RADIL: variants seen among roughly 807,000 people sequenced by gnomAD.
RADIL encodes ras-associating and dilute domain-containing protein.
In RADIL, 99 loss-of-function variants were observed where a neutral mutation model predicts 97.6. That is an observed-to-expected ratio of 1.01 (90% CI 0.86 to 1.20). The LOEUF (loss-of-function observed/expected upper bound fraction) is 1.20, where lower values mean the gene tolerates loss of function less well. Ranked by LOEUF, RADIL falls within the 50% of genes most tolerant of loss-of-function variation. The pLI, the probability that RADIL is intolerant of heterozygous loss-of-function variation, is 0.00. For synonymous variants in RADIL, 803 were observed against 691.8 expected (o/e 1.16, Z -2.52); for missense variants, 1,765 against 1,498.9 (o/e 1.18, Z -2.93).
At position 4,814,401 on chromosome 7, in the gene RADIL, C is replaced by T. The variant is rs1275021873; in HGVS notation, c.2139+877G>A. Among the ~76,000 whole-genome samples, 1 of 152,186 alleles carries T rather than the reference C, an allele frequency of 6.6e-6. No homozygotes were observed. The highest frequency in any genetic ancestry group is 1.5e-5 in the Non-Finnish European group (1 of 68,044). ...TGGCATGATCTCGGCTCACTGCAACCTCTGCCTCGCGGGTTCAAGCGATTC... is the reference window on the plus strand; with the variant it reads ...TGGCATGATCTCGGCTCACTGCAACTTCTGCCTCGCGGGTTCAAGCGATTC... On this transcript the variant is annotated intron_variant, in intron 9 of 14. Transcript: ENST00000399583. This position sits in a 1 kb window ranked among gnomAD's most constrained non-coding sequence, Gnocchi z 4.5.
chr7:4,801,744 G>T lies in RADIL; in HGVS notation c.2751C>A (p.Pro917=). 1 of 1,610,396 alleles carries T rather than the reference G, an allele frequency of 6.2e-7. No individual in the cohort carries two copies. The highest frequency in any genetic ancestry group is 8.5e-7 in the Non-Finnish European group (1 of 1,179,058). The part of the protein sequence containing the change: ...STPLGPEPGD[P]DWPESGGPCG... ...AGGGGCCGCCGGACTCTGGCCAGTC[G>T]GGGTCCCCAGGCTCAGGGCCAAGTG... Residue 917 remains proline, a synonymous_variant, in exon 12 of 15, where the codon CCC becomes CCA. Transcript: ENST00000399583.
chr7:4,822,357 T>A lies in RADIL; in HGVS notation c.1615+37A>T. 1 of 1,583,790 alleles carries A rather than the reference T, an allele frequency of 6.3e-7. No individual in the cohort carries two copies. Among genetic ancestry groups the A allele is most frequent in the South Asian group, 1.1e-5 (1 of 87,596 alleles). ...AGATGCCACACTCCCCTGCCTGGGG[T>A]GCTGGCGGGGGGAATGGAGGGCAGC... On this transcript the variant is annotated intron_variant, in intron 6 of 14. Coordinates refer to ENST00000399583, the MANE Select transcript of RADIL (RefSeq NM_018059.5). This position sits in a 1 kb window ranked among gnomAD's most constrained non-coding sequence, Gnocchi z 5.3.
In RADIL at chr7:4,803,626, G is replaced by C. The variant is rs1206089839; in HGVS notation, c.2419C>G (p.Leu807Val). The change falls in exon 11 of 15, where the codon CTG becomes GTG. Residue 807 changes from leucine (L) to valine (V), a missense_variant. By Grantham distance (32) the Leu-to-Val change is conservative (BLOSUM62 1). Transcript: ENST00000399583. ...CTGGCTCTGCTCCGCAGACCCCACAGAAAGTGGCGGACGTAGAGCAGGTGC... is the reference window on the plus strand; with the variant it reads ...CTGGCTCTGCTCCGCAGACCCCACACAAAGTGGCGGACGTAGAGCAGGTGC... ...YQHLLYVRHF[L>V]WGLRSRASPG... is the part of the protein sequence containing the mutation. 2 of 1,549,816 alleles carry C rather than the reference G, an allele frequency of 1.3e-6. No homozygotes were observed. Among genetic ancestry groups the C allele is most frequent in the East Asian group, 2.4e-5 (1 of 40,932 alleles).
At chr7:4,808,061 C>T (rs116269256) in intron 9 of RADIL, among the ~76,000 whole-genome samples, 1,481 of 95,706 alleles carry the variant, frequency 0.015, no homozygotes, top group African/African-American at 0.035. Context: ...TCCTTCTCTC[C>T]CTCCCTCCCT....
rs188748418 is a variant in RADIL at position 4,837,986 on chromosome 7, G to A, written c.536-1381C>T. On this transcript the variant is annotated intron_variant, in intron 2 of 14. Coordinates refer to ENST00000399583, the MANE Select transcript of RADIL (RefSeq NM_018059.5). This position sits in a 1 kb window ranked among gnomAD's most constrained non-coding sequence, Gnocchi z 5.6. ...AGCCGGATGGAGGGAGGCGTCAGCT[G>A]GCTGAGGAAGACCCTTACCAGCGCC... 2.6e-5 allele frequency: 26 copies of A among 985,418 alleles called. No individual in the cohort carries two copies. The highest frequency in any genetic ancestry group is 1.1e-4 in the East Asian group (1 of 8,796). The allele number at this position is 985,418 out of a possible 1,614,324, so 61.0% of individuals were successfully genotyped here.
chr7:4,871,938 C>G (rs183885952), intron 2 of RADIL, among the ~76,000 whole-genome samples: 2 of 152,260 alleles, frequency 1.3e-5, no homozygotes, highest in Admixed American at 1.3e-4. Flanking sequence ...TAGGGTGCCT[C>G]TTTACAAAGT....
intron 2 of RADIL, among the ~76,000 whole-genome samples, chr7:4,868,477 T>C (rs1384826201): frequency 6.6e-6 from 1 of 152,148 alleles, no homozygotes; most frequent in Non-Finnish European, 1.5e-5. Context: ...GCCGAAATCT[T>C]TGTCCAGCTT....
At chr7:4,806,338 T>C (rs1562428401) in intron 9 of RADIL, among the ~76,000 whole-genome samples, 1 of 152,046 alleles carries the variant, frequency 6.6e-6, no homozygotes, top group Non-Finnish European at 1.5e-5. Flanking sequence ...TTTTTGTTTT[T>C]TTTTGTAGAG....
intron 2 of RADIL, among the ~76,000 whole-genome samples, chr7:4,856,429 C>T (rs983889706): frequency 6.6e-6 from 1 of 152,168 alleles, no homozygotes; most frequent in African/African-American, 2.4e-5. Context: ...TTAAAACAGA[C>T]TTTTTCCTTT....
At chr7:4,841,466 A>G (rs1783437915) in intron 2 of RADIL, among the ~76,000 whole-genome samples, 1 of 152,198 alleles carries the variant, frequency 6.6e-6, no homozygotes, top group African/African-American at 2.4e-5. Flanking sequence ...AAGCGCTGGG[A>G]GAGCTTGGTG....
At chr7:4,843,617 G>C (rs927054049) in intron 2 of RADIL, among the ~76,000 whole-genome samples, 15 of 152,066 alleles carry the variant, frequency 9.9e-5, no homozygotes, top group Non-Finnish European at 2.2e-4. Flanking sequence ...TCTCATTATA[G>C]AAACCCTACA....
chr7:4,860,013 G>C, intron 2 of RADIL: 2 of 1,613,866 alleles, frequency 1.2e-6, no homozygotes, highest in Non-Finnish European at 1.7e-6. Context: ...ATGGCAGGCT[G>C]AGAGACAGCG....
intron 2 of RADIL, among the ~76,000 whole-genome samples, chr7:4,844,822 G>T (rs79087478): frequency 6.6e-6 from 1 of 152,002 alleles, no homozygotes; most frequent in African/African-American, 2.4e-5. Flanking sequence ...CAGGCTGGCC[G>T]CAAACTCCTG....
intron 2 of RADIL, chr7:4,861,865 CG>C: frequency 8.0e-7 from 1 of 1,256,662 alleles, no homozygotes; most frequent in Non-Finnish European, 1.1e-6. Flanking sequence ...CCTTCGCGGC[CG>C]CCGCCCGGGT....
chr7:4,857,785 T>A (rs780981087), intron 2 of RADIL: 1 of 152,626 alleles, frequency 6.6e-6, no homozygotes, highest in African/African-American at 2.4e-5. Flanking sequence ...AAATAAGTCA[T>A]CTGTTTTCAA....
At chr7:4,846,614 C>T (rs1783581619) in intron 2 of RADIL, among the ~76,000 whole-genome samples, 1 of 148,408 alleles carries the variant, frequency 6.7e-6, no homozygotes, top group African/African-American at 2.5e-5. Context: ...GGTGCTGTCT[C>T]AGCTCACTGC....
At chr7:4,847,602 A>G (rs751103319) in intron 2 of RADIL, among the ~76,000 whole-genome samples, 6 of 152,130 alleles carry the variant, frequency 3.9e-5, no homozygotes, top group African/African-American at 9.7e-5. Flanking sequence ...CCAAATGTCC[A>G]TCAACGGGTG....
chr7:4,810,680 A>G (rs1303685922), intron 9 of RADIL, among the ~76,000 whole-genome samples: 1 of 152,244 alleles, frequency 6.6e-6, no homozygotes, highest in Non-Finnish European at 1.5e-5. Context: ...ATCGGAGCAC[A>G]TGCACTCGGT....
chr7:4,832,741 CA>C (rs71032992), intron 4 of RADIL, among the ~76,000 whole-genome samples: 18,535 of 66,474 alleles, frequency 0.28, 654 homozygotes, highest in South Asian at 0.39. Context: ...TCCGTCTCAG[CA>C]AAAAAAAAAA....
Sources: allele counts gnomAD v4.1 joint callset (sites outside exome capture counted in the v4.1 genomes callset), GRCh38; gene constraint gnomAD v4.1.1; non-coding constraint Gnocchi (gnomAD v3.1); transcripts MANE v1.5; gene names NCBI Gene and HGNC (gene_info 2026-07-23, HGNC 2026-07-21).